LAMA2: variants seen among roughly 807,000 people sequenced by gnomAD.
The protein encoded by LAMA2 is laminin subunit alpha 2, also known as laminin subunit alpha-2.
A neutral mutation model predicts 364.8 loss-of-function variants in LAMA2; 269 were observed. The ratio of observed to expected loss-of-function variants is 0.74; its 90% CI spans 0.67 to 0.82. The LOEUF is 0.82. Among genes scored for constraint, LAMA2 ranks in the 40% least tolerant of loss-of-function variants. The probability of loss-of-function intolerance (pLI) is 0.00; values close to 1 mark genes in which losing one functional copy is unlikely to be tolerated. For synonymous variants in LAMA2, 1,379 were observed against 1,370.6 expected (o/e 1.01, Z -0.14); for missense variants, 3,807 against 3,873.2 (o/e 0.98, Z 0.45).
chr6:129,086,362 AAGACATTAAC>A (rs1331707035), intron 3 of LAMA2, among the ~76,000 whole-genome samples: 1 of 152,226 alleles, frequency 6.6e-6, no homozygotes, highest in Non-Finnish European at 1.5e-5. Context: ...TTTTATATAC[AAGACATTAAC>A]AGACATTTAT....
intron 4 of LAMA2, among the ~76,000 whole-genome samples, chr6:129,140,350 TC>T (rs931031029): frequency 6.6e-5 from 10 of 152,074 alleles, no homozygotes; most frequent in Non-Finnish European, 1.2e-4. Context: ...TGATAAGGTT[TC>T]CCCCCCTTTA....
chr6:129,241,866 G>T (rs898212442), intron 12 of LAMA2, among the ~76,000 whole-genome samples: 7 of 152,086 alleles, frequency 4.6e-5, no homozygotes, highest in African/African-American at 1.2e-4. Flanking sequence ...ACTTTCTACT[G>T]CTGTAAGAAA....
At chr6:129,137,216 G>A (rs577417665) in intron 4 of LAMA2, among the ~76,000 whole-genome samples, 110 of 151,658 alleles carry the variant, frequency 7.3e-4, no homozygotes, top group Non-Finnish European at 1.3e-3. Flanking sequence ...TGTAAGAGTG[G>A]TTGTTCTATT....
intron 50 of LAMA2, 119 bp from the exon 51 acceptor site, chr6:129,465,026 C>G: frequency 4.9e-6 from 4 of 817,638 alleles, no homozygotes; most frequent in Non-Finnish European, 8.4e-6. Context: ...ATTTCTGCAA[C>G]AGAGTGACAT....
Position 129,461,022 on chromosome 6 carries a change from T to G in LAMA2, c.6992+698T>G, listed in dbSNP as rs1477858631. Among the ~76,000 whole-genome samples the G allele has an allele frequency of 2.6e-5, 4 of 152,026 alleles. No individual in the cohort carries two copies. In the East Asian group the frequency reaches 7.7e-4, roughly 29 times the overall value. On this transcript the variant is annotated intron_variant, in intron 49 of 64. Coordinates refer to ENST00000421865, the MANE Select transcript of LAMA2 (RefSeq NM_000426.4). ...CATGTGTAGAGAATAAACACTTTTATATAAAAATGAATACAGGATATAAAA... is the reference window on the plus strand; with the variant it reads ...CATGTGTAGAGAATAAACACTTTTAGATAAAAATGAATACAGGATATAAAA...
At chr6:129,099,538 T>A (rs1775398175) in intron 4 of LAMA2, among the ~76,000 whole-genome samples, 1 of 152,138 alleles carries the variant, frequency 6.6e-6, no homozygotes. Flanking sequence ...CCATTGATAC[T>A]CATGTCTGAT....
intron 1 of LAMA2, among the ~76,000 whole-genome samples, chr6:129,049,360 A>G (rs1410880245): frequency 1.3e-5 from 2 of 152,172 alleles, no homozygotes; most frequent in Non-Finnish European, 2.9e-5. Context: ...TTGCTTTATT[A>G]TATTGCTGGA....
intron 1 of LAMA2, among the ~76,000 whole-genome samples, chr6:128,931,158 G>A (rs1373797424): frequency 6.6e-6 from 1 of 152,154 alleles, no homozygotes; most frequent in Non-Finnish European, 1.5e-5. Flanking sequence ...TGTCTCTATA[G>A]CTTACAAGGT....
intron 1 of LAMA2, among the ~76,000 whole-genome samples, chr6:128,997,483 T>C (rs370110070): frequency 1.3e-5 from 2 of 152,090 alleles, no homozygotes; most frequent in South Asian, 2.1e-4. Context: ...AGACACAAAC[T>C]GGCTATTCAA....
chr6:129,064,984 G>C (rs1789198491), intron 3 of LAMA2, among the ~76,000 whole-genome samples: 3 of 152,106 alleles, frequency 2.0e-5, no homozygotes, highest in African/African-American at 7.2e-5. Flanking sequence ...CAATATTTTT[G>C]ATGAACATAG....
chr6:129,236,216 G>A (rs1462928792), intron 12 of LAMA2, among the ~76,000 whole-genome samples: 1 of 152,120 alleles, frequency 6.6e-6, no homozygotes, highest in Non-Finnish European at 1.5e-5. Flanking sequence ...CAGTAGAGAC[G>A]ATGCTGTTAA....
intron 53 of LAMA2, 68 bp downstream of exon 53, chr6:129,475,469 A>C: frequency 3.4e-6 from 4 of 1,193,910 alleles, no homozygotes; most frequent in Admixed American, 1.8e-5. Flanking sequence ...TCTTAGATAA[A>C]GCAGCCGTGC....
chr6:129,043,937 G>A (rs1212192771), intron 1 of LAMA2, among the ~76,000 whole-genome samples: 1 of 151,952 alleles, frequency 6.6e-6, no homozygotes, highest in African/African-American at 2.4e-5. Flanking sequence ...GCATCAGTGA[G>A]CAATTTGGAC....
At chr6:129,174,867 G>A (rs1198734823) in intron 9 of LAMA2, among the ~76,000 whole-genome samples, 4 of 151,874 alleles carry the variant, frequency 2.6e-5, no homozygotes, top group South Asian at 2.1e-4. Flanking sequence ...ATTTTTCTAC[G>A]TTTAATTTTA....
chr6:129,433,227 A>G (rs1160792700), intron 41 of LAMA2, among the ~76,000 whole-genome samples: 1 of 136,440 alleles, frequency 7.3e-6, no homozygotes, highest in African/African-American at 3.0e-5. Context: ...GATTGCCTGC[A>G]TAATGCAGAA....
chr6:129,381,328 C>A (rs1210795975), intron 34 of LAMA2, among the ~76,000 whole-genome samples: 2 of 128,720 alleles, frequency 1.6e-5, no homozygotes, highest in African/African-American at 2.5e-5. Context: ...AGACTACGAA[C>A]ATCTTTTTTT....
At chr6:129,502,545 T>G (rs1347234987) in intron 58 of LAMA2, 114 bp from the exon 59 acceptor site, 1 of 740,278 alleles carries the variant, frequency 1.4e-6, no homozygotes, top group African/African-American at 1.7e-5. Flanking sequence ...ATGAATAATG[T>G]AGTTTTTATT....
chr6:128,992,802 C>T (rs2114663404), intron 1 of LAMA2, among the ~76,000 whole-genome samples: 1 of 152,258 alleles, frequency 6.6e-6, no homozygotes. Flanking sequence ...TGGCTTTGTC[C>T]TTCTGTCTTC....
At chr6:129,137,606 A>T (rs2114948003) in intron 4 of LAMA2, among the ~76,000 whole-genome samples, 1 of 152,232 alleles carries the variant, frequency 6.6e-6, no homozygotes, top group Admixed American at 6.5e-5. Context: ...AACAGTCAAT[A>T]AATGGAATTA....
Sources: gnomAD v4.1 joint callset for allele counts (sites outside exome capture counted in the v4.1 genomes callset) on GRCh38, gnomAD v4.1.1 for gene constraint, MANE v1.5 for transcripts, NCBI Gene and HGNC (gene_info 2026-07-23, HGNC 2026-07-21) for gene names.